The following ITPKB variants were observed in gnomAD, a reference collection of about 807,000 sequenced individuals.
ITPKB encodes the protein inositol-trisphosphate 3-kinase B.
In ITPKB, 13 loss-of-function variants were observed where a neutral mutation model predicts 69.4. The observed-to-expected ratio is 0.19, with a 90% CI of 0.12 to 0.30. The LOEUF is 0.30. Among genes scored for constraint, ITPKB ranks in the 10% least tolerant of loss-of-function variants. The pLI is 1.00. For synonymous variants in ITPKB, 584 were observed against 513.7 expected (o/e 1.14, Z -1.85); for missense variants, 1,240 against 1,250.5 (o/e 0.99, Z 0.13).
chr1:226,727,972 A>G (rs1214469126), intron 2 of ITPKB, among the ~76,000 whole-genome samples: 5 of 152,206 alleles, frequency 3.3e-5, no homozygotes, highest in African/African-American at 1.2e-4. Flanking sequence ...GTAAAATGCT[A>G]GATTAACAGG....
intron 2 of ITPKB, among the ~76,000 whole-genome samples, chr1:226,649,468 A>G (rs1669135170): frequency 7.2e-6 from 1 of 138,994 alleles, no homozygotes; most frequent in East Asian, 2.1e-4. Flanking sequence ...TGATATGTGC[A>G]TGTATGTGCA....
chr1:226,645,819 G>A lies in ITPKB; in HGVS notation c.2246+1348C>T, dbSNP rs78303713. ...CTAAAGATAGTAAGGAACTTGGATG[G>A]TGGGAGGGAGGTGGCCAGGGATGGC... On this transcript the variant is annotated intron_variant, in intron 4 of 7. Coordinates refer to ENST00000429204, the MANE Select transcript of ITPKB (RefSeq NM_002221.4). Among the ~76,000 whole-genome samples the A allele has an allele frequency of 2.0e-5, 3 of 152,194 alleles. No homozygotes were observed. In the East Asian group the frequency reaches 5.8e-4, roughly 29 times the overall value.
At chr1:226,665,886 C>A (rs1223087797) in intron 2 of ITPKB, among the ~76,000 whole-genome samples, 2 of 152,190 alleles carry the variant, frequency 1.3e-5, no homozygotes, top group African/African-American at 2.4e-5. Flanking sequence ...TGTGGTGGGG[C>A]CAGGAGGAAG....
chr1:226,730,142 C>T (rs997837108), intron 2 of ITPKB, among the ~76,000 whole-genome samples: 1 of 152,164 alleles, frequency 6.6e-6, no homozygotes, highest in African/African-American at 2.4e-5. Context: ...GTCAAGGGAC[C>T]AGGTCAGCAG....
intron 2 of ITPKB, among the ~76,000 whole-genome samples, chr1:226,700,030 G>A (rs910524268): frequency 2.0e-5 from 3 of 152,094 alleles, no homozygotes; most frequent in Non-Finnish European, 4.4e-5. Flanking sequence ...GTCTTTTCGC[G>A]TTTTTCTGCC....
intron 2 of ITPKB, among the ~76,000 whole-genome samples, chr1:226,693,069 C>T (rs909463400): frequency 6.6e-6 from 1 of 152,232 alleles, no homozygotes; most frequent in African/African-American, 2.4e-5. Context: ...GGCATGTGAG[C>T]CGTGGCTTGG....
rs1668961185 is a variant in ITPKB at position 226,641,516 on chromosome 1, C to T, written c.2451+405G>A. On this transcript the variant is annotated intron_variant, in intron 5 of 7. Transcript: ENST00000429204. This position sits in a 1 kb window ranked among gnomAD's most constrained non-coding sequence, Gnocchi z 4.6. Reference sequence around the variant, plus strand: ...TGCAGTTTCTCAGAGACCCTGGCTCCAACATCAAAGGCGGTCAGCATGCTC... The same window carrying T: ...TGCAGTTTCTCAGAGACCCTGGCTCTAACATCAAAGGCGGTCAGCATGCTC... Among the ~76,000 whole-genome samples the T allele has an allele frequency of 6.6e-6, 1 of 152,218 alleles. No homozygotes were observed. The highest frequency in any genetic ancestry group is 2.1e-4 in the South Asian group (1 of 4,830).
At chr1:226,681,469 G>A (rs1032148028) in intron 2 of ITPKB, among the ~76,000 whole-genome samples, 1 of 152,212 alleles carries the variant, frequency 6.6e-6, no homozygotes, top group Non-Finnish European at 1.5e-5. Context: ...ACCCTGGCAA[G>A]GGCACAGAGT....
intron 2 of ITPKB, among the ~76,000 whole-genome samples, chr1:226,685,737 T>G (rs1046135858): frequency 2.0e-5 from 3 of 152,204 alleles, no homozygotes; most frequent in Non-Finnish European, 4.4e-5. Context: ...ATGTAACAGG[T>G]GTTTAGTTCA....
At chr1:226,698,162 T>C (rs1656540499) in intron 2 of ITPKB, among the ~76,000 whole-genome samples, 1 of 151,876 alleles carries the variant, frequency 6.6e-6, no homozygotes, top group Non-Finnish European at 1.5e-5. Context: ...GGGCAGAAGC[T>C]CTGTTTGATT....
Position 226,692,699 on chromosome 1 carries a change from A to T in ITPKB, c.1932+42828T>A, listed in dbSNP as rs696334. Among the ~76,000 whole-genome samples the T allele has an allele frequency of 7.4e-3, 1,124 of 152,338 alleles. 16 individuals carry two copies. Among genetic ancestry groups the T allele is most frequent in the African/African-American group, 0.026 (1,074 of 41,576 alleles). On this transcript the variant is annotated intron_variant, in intron 2 of 7. Coordinates refer to ENST00000429204, the MANE Select transcript of ITPKB (RefSeq NM_002221.4). ...GAAAGCCACCCCCAAATCACCACTCAGCTTAGTCCCAAGAATGAGAGCTGA... is the reference window on the plus strand; with the variant it reads ...GAAAGCCACCCCCAAATCACCACTCTGCTTAGTCCCAAGAATGAGAGCTGA...
At chr1:226,684,390 T>C (rs1319218014) in intron 2 of ITPKB, among the ~76,000 whole-genome samples, 1 of 151,996 alleles carries the variant, frequency 6.6e-6, no homozygotes, top group Non-Finnish European at 1.5e-5. Flanking sequence ...CACCCCACCA[T>C]CCTCCCTCGA....
At chr1:226,712,558 G>A (rs752064620) in intron 2 of ITPKB, among the ~76,000 whole-genome samples, 1 of 152,222 alleles carries the variant, frequency 6.6e-6, no homozygotes, top group South Asian at 2.1e-4. Flanking sequence ...AAACAAAGAC[G>A]TTGAAGGGAA....
chr1:226,692,964 T>C (rs1439857951), intron 2 of ITPKB, among the ~76,000 whole-genome samples: 1 of 152,210 alleles, frequency 6.6e-6, no homozygotes, highest in Non-Finnish European at 1.5e-5. Flanking sequence ...CTTTCAGCTT[T>C]TTCCTGGGCC....
chr1:226,647,102 C>T (rs1196810423), intron 4 of ITPKB, 65 bp downstream of exon 4: 23 of 1,487,950 alleles, frequency 1.5e-5, no homozygotes, highest in South Asian at 3.4e-5. Flanking sequence ...CTGAGTGCCA[C>T]GCTGTGCACC....
chr1:226,665,334 T>C lies in ITPKB; in HGVS notation c.1933-16563A>G, dbSNP rs1669476784. ...GGAAAGCCAAAGACCTCCACTGTAG[T>C]CTACTCACTGGCCATGTCAACGCGG... On this transcript the variant is annotated intron_variant, in intron 2 of 7. Transcript: ENST00000429204. Among the ~76,000 whole-genome samples, 3 of 152,176 alleles carry C rather than the reference T, an allele frequency of 2.0e-5. No homozygotes were observed. In the South Asian group the frequency reaches 6.2e-4, roughly 31 times the overall value.
rs1668974338 is a variant in ITPKB at position 226,642,063 on chromosome 1, T to C, written c.2309A>G (p.Tyr770Cys). The change falls in exon 5 of 8, where the codon TAC becomes TGC. Residue 770 changes from tyrosine to cysteine, a missense_variant. Transcript: ENST00000429204. This position sits in a 1 kb window ranked among gnomAD's most constrained non-coding sequence, Gnocchi z 6.4. ...GGGGTCCACCTCGATCATCTTCTGGTACATGTCCTTCCGCAGGCTGGGCTT... is the reference window on the plus strand; with the variant it reads ...GGGGTCCACCTCGATCATCTTCTGGCACATGTCCTTCCGCAGGCTGGGCTT... ...RKKPSLRKDM[Y>C]QKMIEVDPEA... is the part of the protein sequence containing the mutation. The C allele has an allele frequency of 1.2e-6, 2 of 1,614,020 alleles. No individual in the cohort carries two copies. Among genetic ancestry groups the C allele is most frequent in the African/African-American group, 1.3e-5 (1 of 74,928 alleles).
chr1:226,725,401 C>A (rs1477149077), intron 2 of ITPKB, among the ~76,000 whole-genome samples: 2 of 152,240 alleles, frequency 1.3e-5, no homozygotes, highest in Non-Finnish European at 2.9e-5. Context: ...GTTGCCAGAC[C>A]TAGCCCAGGG....
At chr1:226,727,370 TG>T (rs970032688) in intron 2 of ITPKB, among the ~76,000 whole-genome samples, 2 of 152,186 alleles carry the variant, frequency 1.3e-5, no homozygotes, top group African/African-American at 4.8e-5. Context: ...AAACACTTGC[TG>T]GGAACTGCCT....
Sources: gnomAD v4.1 joint callset for allele counts (sites outside exome capture counted in the v4.1 genomes callset) on GRCh38, gnomAD v4.1.1 for gene constraint, Gnocchi (gnomAD v3.1) non-coding constraint, MANE v1.5 for transcripts, NCBI Gene and HGNC (gene_info 2026-07-23, HGNC 2026-07-21) for gene names.